DCC: variants seen among roughly 807,000 people sequenced by gnomAD.
The protein encoded by DCC is DCC netrin 1 receptor, also known as netrin receptor DCC.
A neutral mutation model predicts 172.5 loss-of-function variants in DCC; 58 were observed. That is an observed-to-expected ratio of 0.34 (90% CI 0.27 to 0.42). DCC has a LOEUF of 0.42. DCC is among the 10% of genes least tolerant of loss of function. The pLI, the probability that DCC is intolerant of heterozygous loss-of-function variation, is 1.00. For synonymous variants in DCC, 709 were observed against 644.5 expected, an observed-to-expected ratio of 1.10 and a Z score of -1.52; for missense variants, 1,740 against 1,791.0, an observed-to-expected ratio of 0.97 and a Z score of 0.51.
intron 2 of DCC, among the ~76,000 whole-genome samples, chr18:52,806,145 G>A (rs1165657926): frequency 6.6e-6 from 1 of 152,094 alleles, no homozygotes; most frequent in Non-Finnish European, 1.5e-5. Context: ...GATCATTTCT[G>A]TATCTTATTT....
At chr18:53,261,487 C>A (rs2056601998) in intron 12 of DCC, among the ~76,000 whole-genome samples, 1 of 152,134 alleles carries the variant, frequency 6.6e-6, no homozygotes, top group African/African-American at 2.4e-5. Context: ...TCTCCTCTGT[C>A]AGTCAGATCA....
intron 1 of DCC, among the ~76,000 whole-genome samples, chr18:52,536,944 G>A (rs2032307008): frequency 6.6e-6 from 1 of 152,096 alleles, no homozygotes; most frequent in Admixed American, 6.5e-5. Flanking sequence ...TTTTCTTCAT[G>A]GAAGGTTTAG....
intron 1 of DCC, among the ~76,000 whole-genome samples, chr18:52,730,989 C>A (rs1200914063): frequency 6.6e-6 from 1 of 152,134 alleles, no homozygotes; most frequent in African/African-American, 2.4e-5. Context: ...AAAATTTGTC[C>A]ATCTATCATT....
chr18:53,361,272 A>AT (rs2057942966), intron 15 of DCC, among the ~76,000 whole-genome samples: 2 of 152,100 alleles, frequency 1.3e-5, no homozygotes, highest in Non-Finnish European at 2.9e-5. Context: ...TGAAGAAACG[A>AT]TTTTTGTTGT....
intron 28 of DCC, 97 bp downstream of exon 28, chr18:53,526,856 G>T (rs2046462038): frequency 9.8e-7 from 1 of 1,024,120 alleles, no homozygotes; most frequent in African/African-American, 1.6e-5. Context: ...ATTCACCCCA[G>T]GCCACCCCAG....
At chr18:52,372,716 A>C (rs1263921207) in intron 1 of DCC, among the ~76,000 whole-genome samples, 1 of 152,204 alleles carries the variant, frequency 6.6e-6, no homozygotes, top group African/African-American at 2.4e-5. Flanking sequence ...TCCCTCACCC[A>C]CCCTCTTTCT....
At chr18:53,032,604 T>C (rs184451545) in intron 5 of DCC, among the ~76,000 whole-genome samples, 3 of 152,298 alleles carry the variant, frequency 2.0e-5, no homozygotes, top group Admixed American at 2.0e-4. Context: ...GTTCCTGAAA[T>C]AAGAAAATCT....
chr18:53,064,483 T>C (rs1194653214), intron 6 of DCC, among the ~76,000 whole-genome samples: 1 of 152,136 alleles, frequency 6.6e-6, no homozygotes, highest in East Asian at 1.9e-4. Context: ...GACTAGAGCA[T>C]AGTCATCCTA....
chr18:53,369,135 A>G (rs961820939), intron 15 of DCC, among the ~76,000 whole-genome samples: 4 of 151,942 alleles, frequency 2.6e-5, no homozygotes, highest in African/African-American at 4.8e-5. Context: ...TGTTTTTACT[A>G]TAGAAGTCTT....
Position 52,975,113 on chromosome 18 carries a change from T to C in DCC, c.985+49743T>C, listed in dbSNP as rs1353246469. On this transcript the variant is annotated intron_variant, in intron 5 of 28. Transcript: ENST00000442544. ...GAAAAAAGTCCACTTCATATTAGCCTTCTTGGTCTACCACAATAGAACATC... is the reference window on the plus strand; with the variant it reads ...GAAAAAAGTCCACTTCATATTAGCCCTCTTGGTCTACCACAATAGAACATC... Among the ~76,000 whole-genome samples the C allele has an allele frequency of 3.9e-5, 6 of 152,178 alleles. 1 individual carries two copies. The South Asian group carries it at 1.0e-3, about 26-fold the overall frequency.
In DCC at chr18:52,866,955, G is replaced by A. The variant is rs183957714; in HGVS notation, c.413-39089G>A. Reference sequence around the variant, plus strand: ...GTGAGAGAAGGCATCCTTGTCTTGTGCCAGTTTTCAAAGGGAATGCTTCCA... The same window carrying A: ...GTGAGAGAAGGCATCCTTGTCTTGTACCAGTTTTCAAAGGGAATGCTTCCA... On this transcript the variant is annotated intron_variant, in intron 2 of 28. Coordinates refer to ENST00000442544, the MANE Select transcript of DCC (RefSeq NM_005215.4). Among the ~76,000 whole-genome samples the A allele has an allele frequency of 3.9e-5, 6 of 152,230 alleles. No individual in the cohort carries two copies. The East Asian group carries it at 9.7e-4, about 25-fold the overall frequency.
chr18:52,483,420 C>CT (rs2030054386), intron 1 of DCC, among the ~76,000 whole-genome samples: 1 of 151,888 alleles, frequency 6.6e-6, no homozygotes, highest in Non-Finnish European at 1.5e-5. Flanking sequence ...TTACCTTGCA[C>CT]TTTTTTAATG....
chr18:53,241,209 T>C (rs189325231), intron 12 of DCC, among the ~76,000 whole-genome samples: 31 of 152,270 alleles, frequency 2.0e-4, no homozygotes, highest in Admixed American at 7.2e-4. Flanking sequence ...CTTGGTATCT[T>C]AAATTTGTGA....
chr18:53,485,154 T>G (rs1396721425), intron 25 of DCC, among the ~76,000 whole-genome samples: 1 of 152,106 alleles, frequency 6.6e-6, no homozygotes, highest in Non-Finnish European at 1.5e-5. Context: ...CTATGTTACT[T>G]TGTCACAAAA....
chr18:53,397,843 A>G (rs926253165), intron 18 of DCC, among the ~76,000 whole-genome samples: 1 of 152,218 alleles, frequency 6.6e-6, no homozygotes, highest in African/African-American at 2.4e-5. Context: ...GATGCAAAAG[A>G]AAGCATTGCA....
chr18:53,459,282 T>C lies in DCC; in HGVS notation c.3443T>C (p.Leu1148Pro). Residue 1148 changes from leucine to proline, a missense_variant, in exon 24 of 29, where the codon CTC becomes CCC. By Grantham distance (98) the Leu-to-Pro change is moderately conservative (BLOSUM62 -3). Around this residue, in one of 2 missense-constraint regions of DCC, gnomAD observed 1,732 missense variants for 1,767.4 expected, o/e 0.98. Coordinates refer to ENST00000442544, the MANE Select transcript of DCC (RefSeq NM_005215.4). ...AAAAGGAAGGGCAGCCAGAAGGACCTCCGACCCCCTGATCTTTGGATCCAT... is the reference window on the plus strand; with the variant it reads ...AAAAGGAAGGGCAGCCAGAAGGACCCCCGACCCCCTGATCTTTGGATCCAT... The part of the protein sequence containing the change: ...AGKRKGSQKD[L>P]RPPDLWIHHE... 6.2e-7 allele frequency: 1 copy of C among 1,614,110 alleles called. No individual in the cohort carries two copies. Among genetic ancestry groups the C allele is most frequent in the Non-Finnish European group, 8.5e-7 (1 of 1,180,010 alleles).
At chr18:52,778,468 C>A (rs7239745) in intron 2 of DCC, among the ~76,000 whole-genome samples, 27,314 of 151,938 alleles carry the variant, frequency 0.18, 2,626 homozygotes, top group Middle Eastern at 0.24. Flanking sequence ...TATTAAAATG[C>A]AGTGAAATGA....
At chr18:53,459,561 A>G (rs767016777) in intron 24 of DCC, 103 bp downstream of exon 24, 32 of 767,826 alleles carry the variant, frequency 4.2e-5, no homozygotes, top group Non-Finnish European at 6.6e-5. Context: ...TTTGCATGTC[A>G]TTATGGGTCA....
At chr18:53,001,763 A>G (rs1229104842) in intron 5 of DCC, among the ~76,000 whole-genome samples, 3 of 151,702 alleles carry the variant, frequency 2.0e-5, no homozygotes, top group African/African-American at 7.3e-5. Flanking sequence ...TTTAATCTTA[A>G]TTTTTCTTTG....
Sources: gnomAD v4.1 joint callset for allele counts (sites outside exome capture counted in the v4.1 genomes callset) on GRCh38, gnomAD v4.1.1 for gene constraint, gnomAD v4.1.1 regional missense constraint, MANE v1.5 for transcripts, NCBI Gene and HGNC (gene_info 2026-07-23, HGNC 2026-07-21) for gene names.